The following INPP4B variants were observed in gnomAD, a reference collection of about 807,000 sequenced individuals.
INPP4B encodes inositol polyphosphate 4-phosphatase type II.
In INPP4B, 55 loss-of-function variants were observed where a neutral mutation model predicts 122.5. That is an observed-to-expected ratio of 0.45 (90% CI 0.36 to 0.56). The LOEUF (loss-of-function observed/expected upper bound fraction) is 0.56, where lower values mean the gene tolerates loss of function less well. INPP4B is among the 20% of genes least tolerant of loss of function. INPP4B has a pLI of 0.00. For synonymous variants in INPP4B, 403 were observed against 388.7 expected (o/e 1.04, Z -0.43); for missense variants, 1,000 against 1,097.7 (o/e 0.91, Z 1.26).
intron 2 of INPP4B, among the ~76,000 whole-genome samples, chr4:142,582,363 G>A (rs1246242360): frequency 2.0e-5 from 3 of 152,108 alleles, no homozygotes; most frequent in African/African-American, 4.8e-5. Context: ...AGGAGCATAG[G>A]CAGTTTTATT....
chr4:142,077,184 A>G (rs572435840), intron 25 of INPP4B, among the ~76,000 whole-genome samples: 3 of 152,138 alleles, frequency 2.0e-5, no homozygotes, highest in African/African-American at 7.2e-5. Context: ...TTACTGAAAT[A>G]GAATGACTAA....
intron 23 of INPP4B, among the ~76,000 whole-genome samples, chr4:142,088,418 C>T (rs950660998): frequency 1.1e-4 from 16 of 152,252 alleles, no homozygotes; most frequent in African/African-American, 3.6e-4. Flanking sequence ...ACAGGTATAT[C>T]GGTGACATAG....
intron 2 of INPP4B, among the ~76,000 whole-genome samples, chr4:142,651,482 A>G (rs1752948532): frequency 6.6e-6 from 1 of 152,170 alleles, no homozygotes; most frequent in African/African-American, 2.4e-5. Context: ...AGCAAGAATA[A>G]TAAAGAAGAA....
chr4:142,399,499 T>A (rs1800905352), intron 7 of INPP4B, among the ~76,000 whole-genome samples: 1 of 152,144 alleles, frequency 6.6e-6, no homozygotes, highest in Non-Finnish European at 1.5e-5. Flanking sequence ...CAATTTCCTC[T>A]TGCTTTTAAG....
intron 2 of INPP4B, among the ~76,000 whole-genome samples, chr4:142,469,283 A>G (rs1163878263): frequency 6.6e-6 from 1 of 152,116 alleles, no homozygotes; most frequent in East Asian, 1.9e-4. Flanking sequence ...CAGCTATAAT[A>G]ATCCAAATTA....
At chr4:142,784,414 T>C (rs1409493223) in intron 1 of INPP4B, among the ~76,000 whole-genome samples, 1 of 134,770 alleles carries the variant, frequency 7.4e-6, no homozygotes, top group Non-Finnish European at 1.7e-5. Flanking sequence ...TAAATAAAAA[T>C]TAAAATCAAG....
At position 142,187,833 on chromosome 4, in the gene INPP4B, C is replaced by A. The variant is rs1180624907; in HGVS notation, c.1181+5254G>T. Among the ~76,000 whole-genome samples, 4 of 152,206 alleles carry A rather than the reference C, an allele frequency of 2.6e-5. No individual in the cohort carries two copies. In the South Asian group the frequency reaches 8.3e-4, roughly 32 times the overall value. On this transcript the variant is annotated intron_variant, in intron 15 of 25. Coordinates refer to ENST00000262992, the MANE Select transcript of INPP4B (RefSeq NM_001101669.3). ...CTGGTCTCAAACTCCTGAGCTCAAG[C>A]CAACCACTGGCCTCGGCCTCCCAAA...
At chr4:142,426,640 A>G (rs1808120301) in intron 5 of INPP4B, 2 of 151,960 alleles carry the variant, frequency 1.3e-5, no homozygotes, top group African/African-American at 4.8e-5. Flanking sequence ...TACCTTACTT[A>G]TTTGAATAAG....
At chr4:142,098,641 G>A (rs748365389) in intron 23 of INPP4B, among the ~76,000 whole-genome samples, 7 of 152,136 alleles carry the variant, frequency 4.6e-5, no homozygotes, top group Non-Finnish European at 8.8e-5. Flanking sequence ...GAAAGGGGAT[G>A]TGAAAGAGGC....
intron 1 of INPP4B, among the ~76,000 whole-genome samples, chr4:142,794,887 C>T (rs183358062): frequency 6.6e-6 from 1 of 151,830 alleles, no homozygotes; most frequent in East Asian, 1.9e-4. Flanking sequence ...TGTAAGCTAA[C>T]AATACAAATC....
In INPP4B at chr4:142,478,013, G is replaced by A. The variant is rs902467443; in HGVS notation, c.-190-15287C>T. ...AGATGGGGTTTTGCCATGTCGCCCC[G>A]GCTGGTCTTGAACTCGTGAGCTCAA... On this transcript the variant is annotated intron_variant, in intron 2 of 25. Coordinates refer to ENST00000262992, the MANE Select transcript of INPP4B (RefSeq NM_001101669.3). Among the ~76,000 whole-genome samples the A allele has an allele frequency of 3.9e-5, 6 of 152,106 alleles. No homozygotes were observed. The East Asian group carries it at 5.8e-4, about 15-fold the overall frequency.
rs150264242 is a variant in INPP4B at position 142,269,133 on chromosome 4, C to T, written c.615+1530G>A. Among the ~76,000 whole-genome samples the T allele has an allele frequency of 2.0e-3, 298 of 152,234 alleles. 3 individuals carry two copies. The highest frequency in any genetic ancestry group is 6.9e-3 in the African/African-American group (285 of 41,532). On this transcript the variant is annotated intron_variant, in intron 10 of 25. Coordinates refer to ENST00000262992, the MANE Select transcript of INPP4B (RefSeq NM_001101669.3). ...CCCTCTGCCCACCCTGAGCCAAACA[C>T]GTAATTGACTTCTTTTATTTTAAGT...
intron 2 of INPP4B, among the ~76,000 whole-genome samples, chr4:142,654,009 G>A: frequency 6.6e-6 from 1 of 152,062 alleles, no homozygotes. Flanking sequence ...AGAAAATGTG[G>A]CACATATACA....
intron 23 of INPP4B, among the ~76,000 whole-genome samples, chr4:142,105,013 A>T (rs1249970999): frequency 6.6e-6 from 1 of 152,132 alleles, no homozygotes; most frequent in Non-Finnish European, 1.5e-5. Flanking sequence ...GCAGATGAAG[A>T]TTCAGCAAAG....
In INPP4B at chr4:142,198,102, T is replaced by A. The variant is rs117094905; in HGVS notation, c.1073-4907A>T. Among the ~76,000 whole-genome samples, 15 of 151,022 alleles carry A rather than the reference T, an allele frequency of 9.9e-5. No individual in the cohort carries two copies. In the East Asian group the frequency reaches 2.9e-3, roughly 30 times the overall value. On this transcript the variant is annotated intron_variant, in intron 14 of 25. Transcript: ENST00000262992. ...AAGAAGACTAAACATTCATTGTTAA[T>A]TGTGGTCTCAGAGGGCAAACAAAAG...
chr4:142,602,228 A>G (rs1306742402), intron 2 of INPP4B, among the ~76,000 whole-genome samples: 1 of 152,062 alleles, frequency 6.6e-6, no homozygotes, highest in African/African-American at 2.4e-5. Flanking sequence ...ACTCTCATTC[A>G]CAATTGCTAC....
At chr4:142,459,933 G>T (rs551058140) in intron 3 of INPP4B, among the ~76,000 whole-genome samples, 1 of 152,128 alleles carries the variant, frequency 6.6e-6, no homozygotes, top group East Asian at 1.9e-4. Flanking sequence ...TTAATAAAAG[G>T]ATAAATGAAT....
At chr4:142,574,101 A>G (rs1055413114) in intron 2 of INPP4B, among the ~76,000 whole-genome samples, 2 of 152,102 alleles carry the variant, frequency 1.3e-5, no homozygotes, top group Non-Finnish European at 2.9e-5. Context: ...TGTTGCTTTC[A>G]TCAATACCAA....
At chr4:142,508,690 G>A (rs1824331538) in intron 2 of INPP4B, among the ~76,000 whole-genome samples, 1 of 152,100 alleles carries the variant, frequency 6.6e-6, no homozygotes, top group East Asian at 1.9e-4. Context: ...TTGTGATTAG[G>A]CAAAATTATC....
Sources: allele counts gnomAD v4.1 joint callset (sites outside exome capture counted in the v4.1 genomes callset), GRCh38; gene constraint gnomAD v4.1.1; transcripts MANE v1.5; gene names NCBI Gene and HGNC (gene_info 2026-07-23, HGNC 2026-07-21).